The following NME7 variants were observed in gnomAD, a reference collection of about 807,000 sequenced individuals.
NME7 encodes NME/NM23 family member 7.
NME7 carries 41 observed loss-of-function variants against 49.1 expected under a neutral mutation model. The ratio of observed to expected loss-of-function variants is 0.83; its 90% CI spans 0.65 to 1.08. The LOEUF is 1.08. Ranked by LOEUF, NME7 falls within the 50% of genes least tolerant of loss-of-function variation. The probability of loss-of-function intolerance (pLI) is 0.00; values close to 1 mark genes in which losing one functional copy is unlikely to be tolerated. For missense variants in NME7, 423 were observed against 463.4 expected (o/e 0.91, Z 0.80); for synonymous variants, 139 against 150.6 (o/e 0.92, Z 0.56).
chr1:169,194,247 G>T (rs542274998), intron 10 of NME7, among the ~76,000 whole-genome samples: 2 of 152,266 alleles, frequency 1.3e-5, no homozygotes, highest in South Asian at 4.1e-4. Context: ...TGGAAGGCAA[G>T]GGACAAGAAG....
chr1:169,169,441 T>A lies in NME7; in HGVS notation c.1098+6A>T, dbSNP rs372760899. 3.1e-6 allele frequency: 5 copies of A among 1,606,802 alleles called. No individual in the cohort carries two copies. The African/African-American group carries it at 5.4e-5, about 17-fold the overall frequency. On this transcript the variant is annotated splice_donor_region_variant and intron_variant, in intron 11 of 11. Coordinates refer to ENST00000367811, the MANE Select transcript of NME7 (RefSeq NM_013330.5). ...ATAAATAGGATGTTTACCTTCTTTATCTTACCTCTAATAGGCCATCCTCTG... is the reference window on the plus strand; with the variant it reads ...ATAAATAGGATGTTTACCTTCTTTAACTTACCTCTAATAGGCCATCCTCTG...
At position 169,181,315 on chromosome 1, in the gene NME7, G is replaced by GA. The variant is rs1179326449; in HGVS notation, c.991-11762dup. Reference sequence around the variant, plus strand: ...CAGCAACTTTGTTTCCTGCTTCACAGAAAAAAAAATTAAGACTGATATCAA... The same window carrying GA: ...CAGCAACTTTGTTTCCTGCTTCACAGAAAAAAAAAATTAAGACTGATATCAA... On this transcript the variant is annotated intron_variant, in intron 10 of 11. Coordinates refer to ENST00000367811, the MANE Select transcript of NME7 (RefSeq NM_013330.5). Among the ~76,000 whole-genome samples the GA allele has an allele frequency of 1.4e-4, 20 of 148,072 alleles. No individual in the cohort carries two copies. The East Asian group carries it at 3.1e-3, about 23-fold the overall frequency.
At chr1:169,197,133 C>A (rs138205586) in intron 10 of NME7, among the ~76,000 whole-genome samples, 2,092 of 151,920 alleles carry the variant, frequency 0.014, 27 homozygotes, top group Non-Finnish European at 0.019. Context: ...AATAAGAGTA[C>A]CTATATTTCA....
chr1:169,191,479 A>C (rs879564464), intron 10 of NME7, among the ~76,000 whole-genome samples: 8 of 152,222 alleles, frequency 5.3e-5, no homozygotes, highest in African/African-American at 1.9e-4. Flanking sequence ...TGGGAAAACC[A>C]TCTGCTCCGC....
intron 10 of NME7, among the ~76,000 whole-genome samples, chr1:169,218,591 C>T (rs1557992911): frequency 6.8e-6 from 1 of 148,102 alleles, no homozygotes. Flanking sequence ...AACAAACAAA[C>T]AAAGCAAAGC....
At chr1:169,242,607 A>T (rs1648136599) in intron 7 of NME7, among the ~76,000 whole-genome samples, 1 of 151,894 alleles carries the variant, frequency 6.6e-6, no homozygotes, top group Non-Finnish European at 1.5e-5. Context: ...TAAAAAGTAT[A>T]CAGACAAGAA....
chr1:169,177,368 T>C (rs1659782570), intron 10 of NME7, among the ~76,000 whole-genome samples: 1 of 152,176 alleles, frequency 6.6e-6, no homozygotes, highest in African/African-American at 2.4e-5. Context: ...TCTGGTTTCC[T>C]AGATACCTCT....
intron 11 of NME7, among the ~76,000 whole-genome samples, chr1:169,144,896 A>G (rs1658704987): frequency 6.6e-6 from 1 of 152,222 alleles, no homozygotes; most frequent in African/African-American, 2.4e-5. Context: ...CAATGTCAGT[A>G]TCAGTTTCTG....
intron 6 of NME7, 127 bp from the exon 7 acceptor site, chr1:169,287,535 ATT>A (rs1296574321): frequency 1.4e-6 from 1 of 708,208 alleles, no homozygotes. Flanking sequence ...TTTGTTTCAG[ATT>A]TTCTAAAAAT....
chr1:169,254,764 T>A (rs1222625842), intron 7 of NME7, among the ~76,000 whole-genome samples: 2 of 142,018 alleles, frequency 1.4e-5, no homozygotes, highest in Non-Finnish European at 3.1e-5. Context: ...GTATGTTGTG[T>A]CTTTGTTCTC....
intron 10 of NME7, among the ~76,000 whole-genome samples, chr1:169,226,090 T>TG (rs1557996250): frequency 6.6e-6 from 1 of 152,190 alleles, no homozygotes; most frequent in Non-Finnish European, 1.5e-5. Flanking sequence ...ATTAGGTACC[T>TG]GGCCATCTTC....
At position 169,261,652 on chromosome 1, in the gene NME7, G is replaced by C. The variant is rs1470942480; in HGVS notation, c.755-23965C>G. On this transcript the variant is annotated intron_variant, in intron 7 of 11. Coordinates refer to ENST00000367811, the MANE Select transcript of NME7 (RefSeq NM_013330.5). Reference sequence around the variant, plus strand: ...TCAATCATGTATCAACTTTTATAAGGCTTGACTCTGATGATGGCAGATTAC... The same window carrying C: ...TCAATCATGTATCAACTTTTATAAGCCTTGACTCTGATGATGGCAGATTAC... Among the ~76,000 whole-genome samples, 8 of 133,156 alleles carry C rather than the reference G, an allele frequency of 6.0e-5. 1 individual carries two copies. The highest frequency in any genetic ancestry group is 1.8e-4 in the African/African-American group (7 of 39,434). The allele number at this position is 133,156 out of a possible 152,430, so 87.4% of individuals were successfully genotyped here.
intron 11 of NME7, among the ~76,000 whole-genome samples, chr1:169,140,522 C>T (rs942106825): frequency 6.6e-6 from 1 of 151,972 alleles, no homozygotes; most frequent in African/African-American, 2.4e-5. Context: ...GGACATATGG[C>T]CCCATGTTCC....
At chr1:169,240,139 T>C (rs768935803) in intron 7 of NME7, among the ~76,000 whole-genome samples, 1 of 88,068 alleles carries the variant, frequency 1.1e-5, no homozygotes, top group African/African-American at 4.3e-5. Flanking sequence ...TCTCTATCCA[T>C]ATTTATTATG....
chr1:169,228,876 A>G (rs771781556), intron 10 of NME7, among the ~76,000 whole-genome samples: 4 of 152,204 alleles, frequency 2.6e-5, no homozygotes, highest in Non-Finnish European at 5.9e-5. Flanking sequence ...GGCCTTTGCA[A>G]CAGAGTCACC....
intron 11 of NME7, among the ~76,000 whole-genome samples, chr1:169,163,607 G>A (rs568915699): frequency 2.0e-4 from 30 of 152,152 alleles, no homozygotes; most frequent in Middle Eastern, 3.4e-3. Context: ...GGAGTCTAAG[G>A]ATTAGATGGT....
chr1:169,308,610 T>C (rs1651270397), intron 4 of NME7, among the ~76,000 whole-genome samples: 1 of 152,300 alleles, frequency 6.6e-6, no homozygotes, highest in Admixed American at 6.5e-5. Context: ...GGTAGGAAAT[T>C]TTTTAAAAAC....
intron 5 of NME7, among the ~76,000 whole-genome samples, chr1:169,301,789 G>A (rs536293696): frequency 6.6e-6 from 1 of 152,162 alleles, no homozygotes; most frequent in East Asian, 1.9e-4. Flanking sequence ...ACAATTGGAG[G>A]CCATAATCCT....
chr1:169,323,086 A>G, intron 3 of NME7, 31 bp downstream of exon 3: 3 of 1,483,016 alleles, frequency 2.0e-6, no homozygotes, highest in Non-Finnish European at 1.8e-6. Flanking sequence ...AAGTTAGAGC[A>G]TGTAAAAAGA....
Sources: allele counts gnomAD v4.1 joint callset (sites outside exome capture counted in the v4.1 genomes callset), GRCh38; gene constraint gnomAD v4.1.1; transcripts MANE v1.5; gene names NCBI Gene and HGNC (gene_info 2026-07-23, HGNC 2026-07-21).